Variants in TUSC3 observed in about 807,000 individuals in gnomAD.
The protein encoded by TUSC3 is dolichyl-diphosphooligosaccharide--protein glycosyltransferase subunit TUSC3.
TUSC3 carries 45 observed loss-of-function variants against 44.8 expected under a neutral mutation model. The observed-to-expected ratio is 1.00, with a 90% CI of 0.79 to 1.29. The LOEUF (loss-of-function observed/expected upper bound fraction) is 1.29. Among genes scored for constraint, TUSC3 ranks in the 50% most tolerant of loss-of-function variants. The pLI is 0.00. For synonymous variants in TUSC3, 212 were observed against 152.9 expected, an observed-to-expected ratio of 1.39 and a Z score of -2.85; for missense variants, 519 against 437.9, an observed-to-expected ratio of 1.19 and a Z score of -1.65.
chr8:15,725,810 T>G (rs1002207879), intron 6 of TUSC3, among the ~76,000 whole-genome samples: 1 of 152,190 alleles, frequency 6.6e-6, no homozygotes, highest in Middle Eastern at 3.2e-3. Flanking sequence ...TCAGGGAATA[T>G]GACTAAAATC....
chr8:15,590,174 C>G (rs1803767059), intron 1 of TUSC3, among the ~76,000 whole-genome samples: 1 of 152,166 alleles, frequency 6.6e-6, no homozygotes, highest in African/African-American at 2.4e-5. Flanking sequence ...TTCCAATGTA[C>G]AGCCTGCTAA....
At chr8:15,794,994 G>A in the TUSC3 span, among the ~76,000 whole-genome samples, 1 of 152,102 alleles carries the variant, frequency 6.6e-6, no homozygotes, top group Non-Finnish European at 1.5e-5. Flanking sequence ...GGATTCTGAT[G>A]AATTTTCCAT....
rs1409991462 is a variant in TUSC3 at position 15,429,387 on chromosome 8, T to C, written n.91+12082T>C. Among the ~76,000 whole-genome samples the C allele has an allele frequency of 2.0e-5, 3 of 150,582 alleles. 1 individual carries two copies. The highest frequency in any genetic ancestry group is 7.4e-5 in the African/African-American group (3 of 40,368). On this transcript the variant is annotated intron_variant and non_coding_transcript_variant, in intron 1 of 5. Coordinates refer to the TUSC3 transcript ENST00000503191. ...GGTTACTGTAGCCTTGTAGTATAGT[T>C]TGAAGTCAGGTAATGTGATGCCTCC...
chr8:15,612,112 A>C (rs1244057577), intron 1 of TUSC3, among the ~76,000 whole-genome samples: 1 of 152,222 alleles, frequency 6.6e-6, no homozygotes, highest in Non-Finnish European at 1.5e-5. Flanking sequence ...TCTTGTTCTC[A>C]TTCCAGATCT....
intron 1 of TUSC3, among the ~76,000 whole-genome samples, chr8:15,606,700 A>G (rs1165634082): frequency 6.6e-6 from 1 of 152,088 alleles, no homozygotes; most frequent in African/African-American, 2.4e-5. Context: ...ACAGTGCTTC[A>G]GTGAATATCC....
At chr8:15,467,941 T>A (rs1233734494) in intron 1 of TUSC3, among the ~76,000 whole-genome samples, 1 of 152,170 alleles carries the variant, frequency 6.6e-6, no homozygotes. Flanking sequence ...ATACAAATTT[T>A]AAAAACTAGT....
the TUSC3 span, among the ~76,000 whole-genome samples, chr8:15,796,098 G>C: frequency 6.6e-6 from 1 of 152,168 alleles, no homozygotes; most frequent in Non-Finnish European, 1.5e-5. Context: ...GGTCTGGCTT[G>C]CATGGTGGCC....
chr8:15,841,374 C>T, the TUSC3 span, among the ~76,000 whole-genome samples: 1 of 152,062 alleles, frequency 6.6e-6, no homozygotes. Flanking sequence ...AGTCCTCCTT[C>T]CTTTCTATTT....
chr8:15,648,861 A>T (rs1806757583), intron 2 of TUSC3, among the ~76,000 whole-genome samples: 1 of 150,680 alleles, frequency 6.6e-6, no homozygotes, highest in Non-Finnish European at 1.5e-5. Flanking sequence ...CTGTATGTGC[A>T]GGAGTCCATG....
At chr8:15,497,009 C>T (rs765619713) in intron 2 of TUSC3, among the ~76,000 whole-genome samples, 9 of 152,120 alleles carry the variant, frequency 5.9e-5, no homozygotes, top group Non-Finnish European at 1.2e-4. Context: ...AATCCTCTAT[C>T]TCTAAAAAGA....
chr8:15,560,234 T>A lies in TUSC3; in HGVS notation c.138+19666T>A, dbSNP rs372300811. 3.4e-3 allele frequency among the ~76,000 whole-genome samples: 503 copies of A among 147,760 alleles called. 2 individuals are homozygous for A. The highest frequency in any genetic ancestry group is 0.01 in the African/African-American group (413 of 39,760). On this transcript the variant is annotated intron_variant, in intron 1 of 10. Transcript: ENST00000503731. ...AATCTCTCAGCATTTGCTTGTCTGT[T>A]AAGTATTTTATTTCTCCTTCACTTA...
intron 6 of TUSC3, among the ~76,000 whole-genome samples, chr8:15,674,133 T>C (rs896910003): frequency 6.6e-6 from 1 of 152,064 alleles, no homozygotes; most frequent in Non-Finnish European, 1.5e-5. Context: ...GGCGATAACA[T>C]GTAACCCCAC....
At chr8:15,586,327 TG>T (rs1329715309) in intron 1 of TUSC3, among the ~76,000 whole-genome samples, 1 of 151,880 alleles carries the variant, frequency 6.6e-6, no homozygotes, top group African/African-American at 2.4e-5. Flanking sequence ...TGTAGTGGGG[TG>T]GGGAACAACA....
intron 9 of TUSC3, among the ~76,000 whole-genome samples, chr8:15,751,569 A>G (rs1811705643): frequency 6.6e-6 from 1 of 152,160 alleles, no homozygotes; most frequent in Non-Finnish European, 1.5e-5. Context: ...TGATTTAAGT[A>G]GAACTTTGAA....
chr8:15,673,174 C>T (rs1808024943), intron 5 of TUSC3, among the ~76,000 whole-genome samples: 1 of 152,088 alleles, frequency 6.6e-6, no homozygotes, highest in Non-Finnish European at 1.5e-5. Context: ...ATATATTCAG[C>T]AGGTATATAA....
intron 1 of TUSC3, among the ~76,000 whole-genome samples, chr8:15,461,968 C>T (rs528662570): frequency 1.6e-4 from 24 of 152,094 alleles, no homozygotes; most frequent in African/African-American, 5.8e-4. Flanking sequence ...ATAAGTGCTT[C>T]TGGTGATGGA....
the TUSC3 span, among the ~76,000 whole-genome samples, chr8:15,773,485 G>A: frequency 1.3e-5 from 2 of 152,060 alleles, no homozygotes; most frequent in South Asian, 2.1e-4. Context: ...AAGTTCATAC[G>A]TTGAAAAACA....
intron 2 of TUSC3, among the ~76,000 whole-genome samples, chr8:15,532,747 G>C (rs556987796): frequency 1.3e-5 from 2 of 152,236 alleles, no homozygotes; most frequent in East Asian, 3.9e-4. Flanking sequence ...TGATTCACGG[G>C]GGCAGGTCTT....
chr8:15,500,531 T>C (rs781600824), intron 2 of TUSC3, among the ~76,000 whole-genome samples: 10 of 152,206 alleles, frequency 6.6e-5, no homozygotes, highest in Non-Finnish European at 1.2e-4. Context: ...GCATTTCAGT[T>C]GATCTAAGAC....
Sources: gnomAD v4.1 joint callset for allele counts (sites outside exome capture counted in the v4.1 genomes callset) on GRCh38, gnomAD v4.1.1 for gene constraint, MANE v1.5 for transcripts, NCBI Gene and HGNC (gene_info 2026-07-23, HGNC 2026-07-21) for gene names.